The following ZNF385B variants were observed in gnomAD, a reference collection of about 807,000 sequenced individuals.
ZNF385B encodes the protein zinc finger protein 385B.
In ZNF385B, 23 loss-of-function variants were observed where a neutral mutation model predicts 39.2. The ratio of observed to expected loss-of-function variants is 0.59; its 90% CI spans 0.42 to 0.83. ZNF385B has a LOEUF of 0.83. Among genes scored for constraint, ZNF385B ranks in the 40% least tolerant of loss-of-function variants. The pLI, the probability that ZNF385B is intolerant of heterozygous loss-of-function variation, is 0.00. For missense variants in ZNF385B, 552 were observed against 598.9 expected, an observed-to-expected ratio of 0.92 and a Z score of 0.82; for synonymous variants, 205 against 222.6, an observed-to-expected ratio of 0.92 and a Z score of 0.70.
At chr2:179,557,525 GTA>G (rs1218610888) in intron 3 of ZNF385B, among the ~76,000 whole-genome samples, 19 of 127,030 alleles carry the variant, frequency 1.5e-4, no homozygotes, top group African/African-American at 4.2e-4. Context: ...TGTTATATGT[GTA>G]TGTTATATAC....
intron 6 of ZNF385B, among the ~76,000 whole-genome samples, chr2:179,479,582 G>T (rs559107615): frequency 6.6e-6 from 1 of 152,148 alleles, no homozygotes; most frequent in African/African-American, 2.4e-5. Context: ...GCACATACCT[G>T]TAATCCCAGC....
At chr2:179,511,142 G>C (rs567797156) in intron 5 of ZNF385B, among the ~76,000 whole-genome samples, 6 of 152,170 alleles carry the variant, frequency 3.9e-5, no homozygotes, top group Non-Finnish European at 8.8e-5. Flanking sequence ...GGCAGCTGGT[G>C]GAGAGAGGTG....
chr2:179,597,422 T>C (rs932048986), intron 3 of ZNF385B, among the ~76,000 whole-genome samples: 1 of 152,234 alleles, frequency 6.6e-6, no homozygotes, highest in African/African-American at 2.4e-5. Context: ...GTTTTTTACA[T>C]ATAAAATGTA....
At chr2:179,798,579 T>G (rs1320583798) in intron 1 of ZNF385B, among the ~76,000 whole-genome samples, 1 of 152,114 alleles carries the variant, frequency 6.6e-6, no homozygotes, top group Non-Finnish European at 1.5e-5. Context: ...ACAAACATAA[T>G]TACTCATCTG....
chr2:179,711,300 T>C (rs572947516), intron 3 of ZNF385B, among the ~76,000 whole-genome samples: 2 of 152,358 alleles, frequency 1.3e-5, no homozygotes, highest in East Asian at 1.9e-4. Flanking sequence ...TCCCCAACAC[T>C]TGACAAAACT....
chr2:179,504,371 T>C (rs6738900), intron 5 of ZNF385B, among the ~76,000 whole-genome samples: 38,325 of 151,656 alleles, frequency 0.25, 5,452 homozygotes, highest in East Asian at 0.52. Context: ...GCATGATTTA[T>C]AGTCCTTTGG....
rs543806287 is a variant in ZNF385B at position 179,803,952 on chromosome 2, C to G, written c.-154-33280G>C. ...CATTTCCACCACATAATTAGAGCACCCAAGAACTCAACTCAGGCTTGGAGA... is the reference window on the plus strand; with the variant it reads ...CATTTCCACCACATAATTAGAGCACGCAAGAACTCAACTCAGGCTTGGAGA... On this transcript the variant is annotated intron_variant, in intron 1 of 9. Coordinates refer to ENST00000410066, the MANE Select transcript of ZNF385B (RefSeq NM_152520.6). Among the ~76,000 whole-genome samples, 8 of 152,192 alleles carry G rather than the reference C, an allele frequency of 5.3e-5. No individual in the cohort carries two copies. In the East Asian group the frequency reaches 1.5e-3, roughly 29 times the overall value.
chr2:179,587,808 A>T (rs1295512498), intron 3 of ZNF385B, among the ~76,000 whole-genome samples: 1 of 152,230 alleles, frequency 6.6e-6, no homozygotes, highest in Non-Finnish European at 1.5e-5. Context: ...GGCTTGTTTC[A>T]AGTCTTCTGT....
chr2:179,483,824 T>G (rs1346116244), intron 5 of ZNF385B, among the ~76,000 whole-genome samples: 3 of 152,164 alleles, frequency 2.0e-5, no homozygotes, highest in Non-Finnish European at 4.4e-5. Flanking sequence ...CCTTCCACAG[T>G]CATTTCCCTT....
intron 3 of ZNF385B, among the ~76,000 whole-genome samples, chr2:179,714,496 C>T (rs1700194931): frequency 6.6e-6 from 1 of 152,080 alleles, no homozygotes. Context: ...CAGATCTGGG[C>T]AAGTGTTGTA....
rs925346934 is a variant in ZNF385B, at chr2:179,553,991, G to T, written c.299-9022C>A. On this transcript the variant is annotated intron_variant, in intron 3 of 9. Transcript: ENST00000410066. ...AGCACTGCTTTCTTGTGCAACCTTG[G>T]ACAAGTTATTTTACTTATTTATACC... 8.7e-5 allele frequency among the ~76,000 whole-genome samples: 13 copies of T among 148,874 alleles called. 2 individuals carry two copies. Among genetic ancestry groups the T allele is most frequent in the African/African-American group, 3.3e-4 (13 of 39,490 alleles).
chr2:179,676,587 G>A (rs1261129231), intron 3 of ZNF385B, among the ~76,000 whole-genome samples: 2 of 151,754 alleles, frequency 1.3e-5, no homozygotes, highest in Non-Finnish European at 2.9e-5. Flanking sequence ...TATGGAGAAT[G>A]ACCTGGAGAG....
At chr2:179,702,793 G>T (rs1383511839) in intron 3 of ZNF385B, among the ~76,000 whole-genome samples, 2 of 152,188 alleles carry the variant, frequency 1.3e-5, no homozygotes, top group Non-Finnish European at 2.9e-5. Context: ...GCAAAAATAA[G>T]TAATTGCTCG....
chr2:179,548,309 C>T (rs2060360034), intron 3 of ZNF385B, among the ~76,000 whole-genome samples: 1 of 149,544 alleles, frequency 6.7e-6, no homozygotes, highest in African/African-American at 2.5e-5. Context: ...TGCTCCTCTC[C>T]AGTAACAAGC....
rs1346998522 is a variant in ZNF385B, at chr2:179,649,448, AG to A, written c.299-104480del. 2.6e-5 allele frequency among the ~76,000 whole-genome samples: 4 copies of A among 152,294 alleles called. No individual in the cohort carries two copies. In the East Asian group the frequency reaches 5.8e-4, roughly 22 times the overall value. ...TAAAAAATCCATACCACAGCGCTCCAGGGTGATAGGGTAACTCACTTAGAAA... is the reference window on the plus strand; with the variant it reads ...TAAAAAATCCATACCACAGCGCTCCAGGTGATAGGGTAACTCACTTAGAAA... On this transcript the variant is annotated intron_variant, in intron 3 of 9. Transcript: ENST00000410066.
chr2:179,512,102 T>A (rs2057729888), intron 5 of ZNF385B, among the ~76,000 whole-genome samples: 1 of 152,230 alleles, frequency 6.6e-6, no homozygotes, highest in East Asian at 1.9e-4. Context: ...AGTACCAAAA[T>A]TTCAGGGTCA....
At chr2:179,470,080 C>T (rs1353219468) in intron 6 of ZNF385B, among the ~76,000 whole-genome samples, 1 of 152,168 alleles carries the variant, frequency 6.6e-6, no homozygotes, top group Non-Finnish European at 1.5e-5. Context: ...CCCTGAATTC[C>T]TTGCCTTCCC....
At chr2:179,498,821 T>C (rs1272017475) in intron 5 of ZNF385B, among the ~76,000 whole-genome samples, 1 of 150,856 alleles carries the variant, frequency 6.6e-6, no homozygotes, top group Admixed American at 6.6e-5. Context: ...AAAAAAAGAA[T>C]AGAGTAGAAA....
intron 3 of ZNF385B, among the ~76,000 whole-genome samples, chr2:179,759,013 T>C (rs1482753636): frequency 6.6e-6 from 1 of 152,240 alleles, no homozygotes; most frequent in Non-Finnish European, 1.5e-5. Context: ...ACATCTCAGC[T>C]TTTTAGACAC....
Sources: allele counts gnomAD v4.1 joint callset (sites outside exome capture counted in the v4.1 genomes callset), GRCh38; gene constraint gnomAD v4.1.1; transcripts MANE v1.5; gene names NCBI Gene and HGNC (gene_info 2026-07-23, HGNC 2026-07-21).